Variants in NRCAM observed in about 807,000 individuals in gnomAD.
NRCAM encodes the protein NgCAM-related cell adhesion molecule.
NRCAM carries 83 observed loss-of-function variants against 156.5 expected under a neutral mutation model. The observed-to-expected ratio is 0.53, with a 90% confidence interval of 0.44 to 0.64. The LOEUF is 0.64. Ranked by LOEUF, NRCAM falls within the 30% of genes least tolerant of loss-of-function variation. The probability of loss-of-function intolerance (pLI) is 0.00; values close to 1 mark genes in which losing one functional copy is unlikely to be tolerated. For missense variants in NRCAM, 1,417 were observed against 1,597.3 expected, an observed-to-expected ratio of 0.89 and a Z score of 1.92; for synonymous variants, 538 against 563.9, an observed-to-expected ratio of 0.95 and a Z score of 0.65.
intron 3 of NRCAM, among the ~76,000 whole-genome samples, chr7:108,270,860 G>GC (rs2097317350): frequency 6.6e-6 from 1 of 152,166 alleles, no homozygotes; most frequent in South Asian, 2.1e-4. Flanking sequence ...CTTGCCAGGG[G>GC]CTGGAAGAAA....
Position 108,178,115 on chromosome 7 carries a change from TAC to T in NRCAM, c.2852-5_2852-4del. 6.2e-7 allele frequency: 1 copy of T among 1,609,606 alleles called. No individual in the cohort carries two copies. The highest frequency in any genetic ancestry group is 8.5e-7 in the Non-Finnish European group (1 of 1,178,226). On this transcript the variant is annotated splice_region_variant and splice_polypyrimidine_tract_variant and intron_variant, in intron 25 of 32. Transcript: ENST00000379028. ...CAAAGACGAGGGAGCACTGGGGACT[TAC>T]AGTGAGAACTTACAGTCAACACAAA...
chr7:108,336,359 T>G (rs2099190594), intron 2 of NRCAM, among the ~76,000 whole-genome samples: 1 of 152,176 alleles, frequency 6.6e-6, no homozygotes. Flanking sequence ...AAAAATAAAA[T>G]GATAAAAAGC....
intron 1 of NRCAM, among the ~76,000 whole-genome samples, chr7:108,431,915 A>G (rs1825727669): frequency 6.6e-6 from 1 of 152,250 alleles, no homozygotes; most frequent in Non-Finnish European, 1.5e-5. Flanking sequence ...GGTAGAGGTA[A>G]GGGTAACTTG....
intron 1 of NRCAM, among the ~76,000 whole-genome samples, chr7:108,424,361 G>A (rs1426289200): frequency 2.0e-5 from 3 of 152,166 alleles, no homozygotes; most frequent in East Asian, 1.9e-4. Context: ...CTGCCTGTGC[G>A]GTGGCTTCCT....
chr7:108,309,052 G>A (rs2098760505), intron 3 of NRCAM, among the ~76,000 whole-genome samples: 2 of 152,194 alleles, frequency 1.3e-5, no homozygotes, highest in African/African-American at 4.8e-5. Flanking sequence ...GCAGTCGCCT[G>A]GGTTGAAAGA....
chr7:108,398,441 A>T (rs1315918618), intron 2 of NRCAM, among the ~76,000 whole-genome samples: 1 of 152,048 alleles, frequency 6.6e-6, no homozygotes. Flanking sequence ...ATATTGCTCT[A>T]GTTCATTCTC....
At chr7:108,257,423 T>C (rs911251349) in intron 3 of NRCAM, among the ~76,000 whole-genome samples, 2 of 152,214 alleles carry the variant, frequency 1.3e-5, no homozygotes, top group African/African-American at 4.8e-5. Flanking sequence ...TTTCAGAGGA[T>C]ACATTCATAG....
chr7:108,388,567 G>C (rs1190498861), intron 2 of NRCAM, among the ~76,000 whole-genome samples: 1 of 152,160 alleles, frequency 6.6e-6, no homozygotes, highest in Non-Finnish European at 1.5e-5. Context: ...AGTTTGATTA[G>C]ATCCCATTTG....
intron 3 of NRCAM, among the ~76,000 whole-genome samples, chr7:108,255,498 C>T (rs1297112603): frequency 4.6e-5 from 7 of 152,118 alleles, no homozygotes; most frequent in Non-Finnish European, 2.9e-5. Context: ...AGTGCAGTGG[C>T]GTGATCTCGG....
intron 30 of NRCAM, 26 bp from the exon 31 acceptor site, chr7:108,160,518 T>C: frequency 6.2e-7 from 1 of 1,610,354 alleles, no homozygotes; most frequent in Non-Finnish European, 8.5e-7. Context: ...ATGGTGTTGG[T>C]GGCAATAGGT....
intron 32 of NRCAM, among the ~76,000 whole-genome samples, chr7:108,153,231 T>C (rs1386235343): frequency 1.3e-5 from 2 of 152,130 alleles, no homozygotes; most frequent in African/African-American, 4.8e-5. Flanking sequence ...TAGCAATCTA[T>C]GAAAAAGATA....
At chr7:108,234,469 G>A (rs1392728775) in intron 6 of NRCAM, 114 bp downstream of exon 6, 3 of 671,632 alleles carry the variant, frequency 4.5e-6, no homozygotes, top group African/African-American at 3.6e-5. Context: ...ACTGAAAAAG[G>A]AAGTGCTCTA....
intron 2 of NRCAM, among the ~76,000 whole-genome samples, chr7:108,374,322 C>A (rs1358999228): frequency 2.6e-5 from 4 of 152,084 alleles, no homozygotes; most frequent in Non-Finnish European, 5.9e-5. Context: ...TGAACAAAAT[C>A]TAGTGTGTAC....
intron 3 of NRCAM, among the ~76,000 whole-genome samples, chr7:108,274,850 A>T (rs1273902336): frequency 1.3e-5 from 2 of 152,224 alleles, no homozygotes. Flanking sequence ...GTTTTTGCCC[A>T]TTCAGTATGA....
chr7:108,295,247 T>C (rs2098430480), intron 3 of NRCAM, among the ~76,000 whole-genome samples: 1 of 152,224 alleles, frequency 6.6e-6, no homozygotes, highest in Non-Finnish European at 1.5e-5. Flanking sequence ...ATGTTAACTT[T>C]TTTACACCTC....
chr7:108,260,199 C>T (rs984248095), intron 3 of NRCAM, among the ~76,000 whole-genome samples: 1 of 152,108 alleles, frequency 6.6e-6, no homozygotes, highest in Non-Finnish European at 1.5e-5. Context: ...GAGCCCTCCA[C>T]CACGTGGCCA....
chr7:108,190,422 T>A (rs185034588), intron 19 of NRCAM, among the ~76,000 whole-genome samples: 1 of 152,290 alleles, frequency 6.6e-6, no homozygotes, highest in East Asian at 1.9e-4. Flanking sequence ...TATTTGACCT[T>A]GCTCCTAGGA....
rs60553976 is a variant in NRCAM, at chr7:108,324,877, CTTTTTTTTTTT to C, written c.-173-12157_-173-12147del. 8.5e-3 allele frequency among the ~76,000 whole-genome samples: 706 copies of C among 82,712 alleles called. 8 individuals carry two copies. Among genetic ancestry groups the C allele is most frequent in the African/African-American group, 0.034 (657 of 19,586 alleles). The allele number at this position is 82,712 out of a possible 152,430, so 54.3% of individuals were successfully genotyped here. ...TGTTTGTGTAATATTTGGCACTGTACTTTTTTTTTTTTTTTTTTTTTTTTTTTTAGCTTTAG... is the reference window on the plus strand; with the variant it reads ...TGTTTGTGTAATATTTGGCACTGTACTTTTTTTTTTTTTTTTTAGCTTTAG... On this transcript the variant is annotated intron_variant, in intron 2 of 32. Transcript: ENST00000379028.
chr7:108,313,338 G>A (rs151002545), intron 2 of NRCAM: 4 of 152,152 alleles, frequency 2.6e-5, no homozygotes, highest in African/African-American at 9.7e-5. Flanking sequence ...GAAGGATGGC[G>A]AGTAGAACAA....
Sources: gnomAD v4.1 joint callset for allele counts (sites outside exome capture counted in the v4.1 genomes callset) on GRCh38, gnomAD v4.1.1 for gene constraint, MANE v1.5 for transcripts, NCBI Gene and HGNC (gene_info 2026-07-23, HGNC 2026-07-21) for gene names.